L3MBTL3: variants seen among roughly 807,000 people sequenced by gnomAD.
L3MBTL3 encodes lethal(3)malignant brain tumor-like protein 3.
Under a neutral mutation model 102.3 loss-of-function variants are expected in L3MBTL3, and 27 were observed. That is an observed-to-expected ratio of 0.26 (90% CI 0.19 to 0.36). L3MBTL3 has a LOEUF of 0.36. L3MBTL3 is among the 10% of genes least tolerant of loss of function. The pLI, the probability that L3MBTL3 is intolerant of heterozygous loss-of-function variation, is 1.00. For synonymous variants in L3MBTL3, 340 were observed against 320.9 expected (o/e 1.06, Z -0.64); for missense variants, 798 against 955.3 (o/e 0.84, Z 2.17).
chr6:130,115,419 C>T (rs1032144263), intron 19 of L3MBTL3, among the ~76,000 whole-genome samples: 14 of 152,192 alleles, frequency 9.2e-5, no homozygotes, highest in South Asian at 8.3e-4. Context: ...TGGCGGAAAT[C>T]GATAAATCCC....
At chr6:130,046,806 G>A (rs1324263929) in intron 3 of L3MBTL3, among the ~76,000 whole-genome samples, 2 of 152,190 alleles carry the variant, frequency 1.3e-5, no homozygotes, top group Non-Finnish European at 2.9e-5. Flanking sequence ...AAAACCATTT[G>A]TAAAAGCATC....
chr6:130,116,037 G>C (rs532752914), intron 19 of L3MBTL3, among the ~76,000 whole-genome samples: 1 of 152,154 alleles, frequency 6.6e-6, no homozygotes, highest in Non-Finnish European at 1.5e-5. Flanking sequence ...TAGCTAGTCC[G>C]TAGCAGACCT....
At chr6:130,063,140 G>A (rs906682531) in intron 10 of L3MBTL3, among the ~76,000 whole-genome samples, 1 of 152,016 alleles carries the variant, frequency 6.6e-6, no homozygotes, top group Non-Finnish European at 1.5e-5. Flanking sequence ...AGTATATGTG[G>A]AGATCCAAGT....
intron 7 of L3MBTL3, among the ~76,000 whole-genome samples, chr6:130,054,884 A>G (rs1781358687): frequency 1.3e-5 from 2 of 152,222 alleles, no homozygotes; most frequent in African/African-American, 2.4e-5. Context: ...GCGTGAGGAA[A>G]ATCAGAGCAG....
Position 130,025,938 on chromosome 6 carries a change from T to C in L3MBTL3, c.-16+3633T>C, listed in dbSNP as rs150941497. On this transcript the variant is annotated intron_variant, in intron 2 of 22. Coordinates refer to ENST00000361794, the MANE Select transcript of L3MBTL3 (RefSeq NM_032438.4). ...CCTTGGGCTCAGTATATTCCTAATCTAGTTGGGGAGATAACCCATACACAT... is the reference window on the plus strand; with the variant it reads ...CCTTGGGCTCAGTATATTCCTAATCCAGTTGGGGAGATAACCCATACACAT... Among the ~76,000 whole-genome samples, 703 of 152,162 alleles carry C rather than the reference T, an allele frequency of 4.6e-3. 7 individuals are homozygous for C. The highest frequency in any genetic ancestry group is 0.027 in the Middle Eastern group (8 of 294).
Position 130,139,625 on chromosome 6 carries a change from G to T in L3MBTL3, c.2215G>T (p.Ala739Ser). Reference sequence around the variant, plus strand: ...CCCATTTTAGCAAATTGATGGAGAAGCATTTCTACTTATGACTCAAACAGA... The same window carrying T: ...CCCATTTTAGCAAATTGATGGAGAATCATTTCTACTTATGACTCAAACAGA... ...VFKDEQIDGE[A>S]FLLMTQTDIV... The change falls in exon 23 of 23, where the codon GCA (alanine) becomes TCA (serine). Residue 739 changes from alanine (A) to serine (S), a missense_variant. Coordinates refer to ENST00000361794, the MANE Select transcript of L3MBTL3 (RefSeq NM_032438.4). The T allele has an allele frequency of 6.2e-7, 1 of 1,613,142 alleles. No homozygotes were observed. Among genetic ancestry groups the T allele is most frequent in the Non-Finnish European group, 8.5e-7 (1 of 1,179,362 alleles).
intron 10 of L3MBTL3, among the ~76,000 whole-genome samples, chr6:130,062,690 T>C (rs997084345): frequency 2.0e-5 from 3 of 151,584 alleles, no homozygotes; most frequent in African/African-American, 7.3e-5. Flanking sequence ...CCACCACACC[T>C]GGCATACATA....
rs570158790 is a variant in L3MBTL3 at position 130,131,511 on chromosome 6, A to G, written c.1967-1941A>G. Reference sequence around the variant, plus strand: ...GCAATGGAAACACATACGTACATTCAAGAAATTGTTACCAGGAAAGGGTCG... The same window carrying G: ...GCAATGGAAACACATACGTACATTCGAGAAATTGTTACCAGGAAAGGGTCG... On this transcript the variant is annotated intron_variant, in intron 20 of 22. Transcript: ENST00000361794. Among the ~76,000 whole-genome samples, 7 of 152,322 alleles carry G rather than the reference A, an allele frequency of 4.6e-5. No homozygotes were observed. In the South Asian group the frequency reaches 1.4e-3, roughly 32 times the overall value.
chr6:130,024,579 C>T (rs547899300), intron 2 of L3MBTL3, among the ~76,000 whole-genome samples: 7 of 152,244 alleles, frequency 4.6e-5, no homozygotes, highest in African/African-American at 1.7e-4. Context: ...TCAGCCAATG[C>T]TGTTTATAGT....
intron 16 of L3MBTL3, among the ~76,000 whole-genome samples, chr6:130,091,933 C>CT: frequency 6.6e-6 from 1 of 151,590 alleles, no homozygotes; most frequent in African/African-American, 2.4e-5. Context: ...TCAGTAAGAT[C>CT]TAGTATCTGG....
chr6:130,107,796 C>G (rs1785080315), intron 19 of L3MBTL3, among the ~76,000 whole-genome samples: 2 of 152,152 alleles, frequency 1.3e-5, no homozygotes. Flanking sequence ...AAAGTTGATG[C>G]AACTAAACTC....
chr6:130,098,852 CGT>C (rs1166615334), intron 18 of L3MBTL3, among the ~76,000 whole-genome samples: 5 of 143,500 alleles, frequency 3.5e-5, no homozygotes, highest in Non-Finnish European at 1.5e-5. Flanking sequence ...GAGCCTGCCT[CGT>C]GTGTTTTTCT....
intron 20 of L3MBTL3, among the ~76,000 whole-genome samples, chr6:130,129,255 T>A (rs1786841226): frequency 6.6e-6 from 1 of 152,222 alleles, no homozygotes; most frequent in Non-Finnish European, 1.5e-5. Context: ...CTCATACATA[T>A]GTATAGGCCT....
chr6:130,034,670 C>A (rs909364743), intron 2 of L3MBTL3, among the ~76,000 whole-genome samples: 69 of 152,202 alleles, frequency 4.5e-4, no homozygotes, highest in African/African-American at 1.5e-3. Context: ...TAAAAAGAAA[C>A]AGTTTTTATC....
chr6:130,072,009 T>C (rs1272247486), intron 13 of L3MBTL3, among the ~76,000 whole-genome samples: 6 of 152,154 alleles, frequency 3.9e-5, no homozygotes, highest in Admixed American at 1.3e-4. Flanking sequence ...CCTACGCTTT[T>C]TGCAGAATTT....
chr6:130,073,024 C>T (rs1367385529), intron 13 of L3MBTL3, among the ~76,000 whole-genome samples: 1 of 152,056 alleles, frequency 6.6e-6, no homozygotes, highest in African/African-American at 2.4e-5. Flanking sequence ...TGATTGAAAC[C>T]TCATCTTATT....
intron 18 of L3MBTL3, among the ~76,000 whole-genome samples, chr6:130,102,914 T>TC (rs1335624583): frequency 3.7e-4 from 56 of 152,232 alleles, no homozygotes; most frequent in Non-Finnish European, 1.9e-4. Flanking sequence ...ACTGCCGATC[T>TC]CCCCCTGGAA....
At chr6:130,085,722 A>G (rs1783641787) in intron 15 of L3MBTL3, among the ~76,000 whole-genome samples, 1 of 152,118 alleles carries the variant, frequency 6.6e-6, no homozygotes. Context: ...GTCTTCTTTT[A>G]TGACATCATT....
chr6:130,055,580 TTCTCTCCC>T lies in L3MBTL3; in HGVS notation c.667+336_667+343del, dbSNP rs1418136591. Among the ~76,000 whole-genome samples, 36 of 56,644 alleles carry T rather than the reference TTCTCTCCC, an allele frequency of 6.4e-4. 1 individual carries two copies. Among genetic ancestry groups the T allele is most frequent in the Non-Finnish European group, 9.4e-4 (29 of 30,828 alleles). The allele number at this position is 56,644 out of a possible 152,430, so 37.2% of individuals were successfully genotyped here. A position where few individuals can be genotyped will look rare whatever the true frequency, so the allele number is the denominator to read the frequency against. On this transcript the variant is annotated intron_variant, in intron 8 of 22. Transcript: ENST00000361794. ...TCTCCCTCCCTTTCTCCCTCCCTCCTTCTCTCCCTCTCTCCCTCCCTCTCTGTCTCCGC... is the reference window on the plus strand; with the variant it reads ...TCTCCCTCCCTTTCTCCCTCCCTCCTTCTCTCCCTCCCTCTCTGTCTCCGC...
Sources: gnomAD v4.1 joint callset for allele counts (sites outside exome capture counted in the v4.1 genomes callset) on GRCh38, gnomAD v4.1.1 for gene constraint, MANE v1.5 for transcripts, NCBI Gene and HGNC (gene_info 2026-07-23, HGNC 2026-07-21) for gene names.